The following CDHR1 variants were observed in gnomAD, a reference collection of about 807,000 sequenced individuals.
The protein encoded by CDHR1 is cadherin related family member 1, also known as cadherin-related family member 1.
A neutral mutation model predicts 72.1 loss-of-function variants in CDHR1; 61 were observed. The observed-to-expected ratio is 0.85, with a 90% CI of 0.69 to 1.05. The LOEUF (loss-of-function observed/expected upper bound fraction) is 1.05, where lower values mean the gene tolerates loss of function less well. Ranked by LOEUF, CDHR1 falls within the 50% of genes least tolerant of loss-of-function variation. The pLI is 0.00. For missense variants in CDHR1, 1,186 were observed against 1,115.7 expected (o/e 1.06, Z -0.90); for synonymous variants, 470 against 448.1 (o/e 1.05, Z -0.62).
At chr10:84,195,061 C>T (rs11592253) in intron 1 of CDHR1, among the ~76,000 whole-genome samples, 115,224 of 152,032 alleles carry the variant, frequency 0.76, 44,846 homozygotes, top group African/African-American at 0.91. Context: ...GGGTTTGGCG[C>T]CCGGACCCCC....
Position 84,213,185 on chromosome 10 carries a change from C to G in CDHR1, c.1877C>G (p.Thr626Arg). The change falls in exon 16 of 17, where the codon ACG becomes AGG. Residue 626 changes from threonine to arginine, a missense_variant. By Grantham distance (71) the Thr-to-Arg change is moderately conservative (BLOSUM62 -1). Transcript: ENST00000623527. ...AACGTGTTCGACATCAATTCCCACA[C>G]GGGGGAGATCTGGCTCAAGAATTCC... ...PANVFDINSH[T>R]GEIWLKNSIR... The G allele has an allele frequency of 6.2e-7, 1 of 1,614,252 alleles. No homozygotes were observed. The highest frequency in any genetic ancestry group is 8.5e-7 in the Non-Finnish European group (1 of 1,180,056).
intron 11 of CDHR1, 140 bp from the exon 12 acceptor site, chr10:84,208,589 A>G: frequency 9.6e-7 from 1 of 1,038,834 alleles, no homozygotes; most frequent in African/African-American, 1.6e-5. Context: ...CTCACAGTCC[A>G]TTCACAAGGA....
Position 84,201,834 on chromosome 10 carries a change from C to A in CDHR1, c.553C>A (p.Arg185Ser). 6.2e-7 allele frequency: 1 copy of A among 1,610,406 alleles called. No individual in the cohort carries two copies. The highest frequency in any genetic ancestry group is 8.5e-7 in the Non-Finnish European group (1 of 1,180,002). Reference protein sequence around the residue: ...QNLHSPFAVDRHSGVLRLQAG... With the variant: ...QNLHSPFAVDSHSGVLRLQAG... ...CCTGCACTCCCCATTTGCCGTGGAC[C>A]GCCACAGCGGTGTGCTGCGCCTCCA... The change falls in exon 7 of 17, where the codon CGC (arginine) becomes AGC (serine). Residue 185 changes from arginine (R) to serine (S), a missense_variant. Arg to Ser is a moderately radical substitution (Grantham distance 110). Coordinates refer to ENST00000623527, the MANE Select transcript of CDHR1 (RefSeq NM_033100.4).
At position 84,208,749 on chromosome 10, in the gene CDHR1, C is replaced by T; in HGVS notation, c.1188C>T (p.Asn396=). The T allele has an allele frequency of 6.2e-7, 1 of 1,614,208 alleles. No homozygotes were observed. Among genetic ancestry groups the T allele is most frequent in the Non-Finnish European group, 8.5e-7 (1 of 1,180,026 alleles). The part of the protein sequence containing the change: ...DSDQGANAKF[N]LQLVGPRGIF... Reference sequence around the variant, plus strand: ...TCTAGGGAGCCAATGCCAAATTCAACTTGCAGCTGGTGGGACCCAGGGGCA... The same window carrying T: ...TCTAGGGAGCCAATGCCAAATTCAATTTGCAGCTGGTGGGACCCAGGGGCA... The change falls in exon 12 of 17, where the codon AAC becomes AAT. Residue 396 remains asparagine (N), a synonymous_variant. Transcript: ENST00000623527.
At position 84,217,556 on chromosome 10, in the gene CDHR1, G is replaced by A. The variant is rs1433639299; in HGVS notation, c.*2935G>A. ...TTAACACAGGGTGCAAAGTATGGTT[G>A]CAGAGAGGATGAAAAGATCTAATAT... On this transcript the variant is annotated 3_prime_UTR_variant, in exon 17 of 17. Coordinates refer to ENST00000623527, the MANE Select transcript of CDHR1 (RefSeq NM_033100.4). 3.1e-6 allele frequency: 3 copies of A among 983,006 alleles called. No individual in the cohort carries two copies. The highest frequency in any genetic ancestry group is 3.6e-6 in the Non-Finnish European group (3 of 827,720). The allele number at this position is 983,006 out of a possible 1,614,324, so 60.9% of individuals were successfully genotyped here.
Position 84,217,659 on chromosome 10 carries a change from C to G in CDHR1, c.*3038C>G, listed in dbSNP as rs2132844625. ...ACTTGCCGTGACTGTGGCCCACATA[C>G]TAGAACACCATGTCCTGAAAGAGAG... On this transcript the variant is annotated 3_prime_UTR_variant, in exon 17 of 17. Transcript: ENST00000623527. The G allele has an allele frequency of 1.0e-6, 1 of 985,540 alleles. No homozygotes were observed. Among genetic ancestry groups the G allele is most frequent in the African/African-American group, 1.7e-5 (1 of 57,360 alleles). 61.0% of individuals were successfully genotyped at this position (985,540 alleles called of 1,614,324 possible).
chr10:84,198,914 G>C (rs1842073715), intron 4 of CDHR1, 118 bp from the exon 5 acceptor site: 1 of 786,402 alleles, frequency 1.3e-6, no homozygotes, highest in South Asian at 1.5e-5. Context: ...GAGAGAGAGA[G>C]AGAGAGAGAG....
rs1266921719 is a variant in CDHR1, at chr10:84,216,983, C to T, written c.*2362C>T. 2 of 985,358 alleles carry T rather than the reference C, an allele frequency of 2.0e-6. No individual in the cohort carries two copies. The highest frequency in any genetic ancestry group is 2.4e-6 in the Non-Finnish European group (2 of 829,984). The allele number at this position is 985,358 out of a possible 1,614,324, so 61.0% of individuals were successfully genotyped here. On this transcript the variant is annotated 3_prime_UTR_variant, in exon 17 of 17. Coordinates refer to ENST00000623527, the MANE Select transcript of CDHR1 (RefSeq NM_033100.4). Reference sequence around the variant, plus strand: ...GTGGATCCGGGACCGAGGGTGGTCTCTTGGACAACCCCAGGAACTTGGACC... The same window carrying T: ...GTGGATCCGGGACCGAGGGTGGTCTTTTGGACAACCCCAGGAACTTGGACC...
At chr10:84,205,468 A>G (rs1842206659) in intron 9 of CDHR1, among the ~76,000 whole-genome samples, 1 of 139,316 alleles carries the variant, frequency 7.2e-6, no homozygotes, top group Non-Finnish European at 1.5e-5. Context: ...CTCCCCTTCC[A>G]TGTCCGTCTC....
intron 2 of CDHR1, 27 bp from the exon 3 acceptor site, chr10:84,196,476 CTA>C (rs761693893): frequency 1.2e-6 from 2 of 1,614,026 alleles, no homozygotes; most frequent in South Asian, 1.1e-5. Context: ...GTCTCAGATT[CTA>C]TGTCTCTCCA....
chr10:84,208,848 T>C lies in CDHR1; in HGVS notation c.1287T>C (p.Ile429=). 1 of 1,614,190 alleles carries C rather than the reference T, an allele frequency of 6.2e-7. No homozygotes were observed. The highest frequency in any genetic ancestry group is 1.1e-5 in the South Asian group (1 of 91,088). The change falls in exon 12 of 17, where the codon ATT becomes ATC. Residue 429 remains isoleucine, a synonymous_variant. Transcript: ENST00000623527. ...VTIIVENSAA[I]DFEKSKVLTF... is the part of the protein sequence containing the mutation. ...TCATTGTGGAGAACTCAGCTGCCAT[T>C]GACTTTGAAAAGTCCAAAGTATTAA...
chr10:84,214,732 A>C lies in CDHR1; in HGVS notation c.*111A>C, dbSNP rs556428563. On this transcript the variant is annotated 3_prime_UTR_variant, in exon 17 of 17. Coordinates refer to ENST00000623527, the MANE Select transcript of CDHR1 (RefSeq NM_033100.4). ...TTAAGGTCACTGACCCCTGTTTTGC[A>C]CAATGGTATAATCCCCACTGTCCTC... is the stretch of plus-strand genomic sequence containing the variant. 10 of 1,571,584 alleles carry C rather than the reference A, an allele frequency of 6.4e-6. No homozygotes were observed. The South Asian group carries it at 8.0e-5, about 13-fold the overall frequency.
intron 4 of CDHR1, 70 bp from the exon 5 acceptor site, chr10:84,198,962 G>A (rs960854238): frequency 3.6e-6 from 4 of 1,120,926 alleles, no homozygotes; most frequent in Non-Finnish European, 5.3e-6. Flanking sequence ...TGGAGTGATA[G>A]AGGTCGCTAT....
chr10:84,201,979 G>A (rs1842136220), intron 7 of CDHR1, 59 bp downstream of exon 7: 1 of 1,347,704 alleles, frequency 7.4e-7, no homozygotes, highest in Non-Finnish European at 1.0e-6. Context: ...TTGGAACCAA[G>A]TTAGGTTCTA....
intron 1 of CDHR1, among the ~76,000 whole-genome samples, chr10:84,195,078 C>T (rs1444795727): frequency 1.3e-5 from 2 of 152,242 alleles, no homozygotes; most frequent in Non-Finnish European, 2.9e-5. Context: ...CCCCGCTGCT[C>T]TCCGCTTGCT....
intron 8 of CDHR1, among the ~76,000 whole-genome samples, chr10:84,203,842 C>G (rs1384608401): frequency 1.3e-5 from 2 of 152,130 alleles, no homozygotes; most frequent in Non-Finnish European, 1.5e-5. Flanking sequence ...CAGCGTAGGC[C>G]CAGGCCATCC....
rs79239487 is a variant in CDHR1 at position 84,196,656 on chromosome 10, G to A, written c.297+6G>A. On this transcript the variant is annotated splice_donor_region_variant and intron_variant, in intron 3 of 16. Transcript: ENST00000623527. Reference sequence around the variant, plus strand: ...TTGAAGAGCTGGACAGAGAGGTATGGGGAGGTGTGGGGAGTGCTGCGGGGC... The same window carrying A: ...TTGAAGAGCTGGACAGAGAGGTATGAGGAGGTGTGGGGAGTGCTGCGGGGC... The A allele has an allele frequency of 6.6e-3, 10,724 of 1,614,182 alleles. 401 individuals are homozygous for A. In the East Asian group the frequency reaches 0.11, roughly 17 times the overall value.
chr10:84,211,657 C>T lies in CDHR1; in HGVS notation c.1495C>T (p.Pro499Ser). 6.2e-7 allele frequency: 1 copy of T among 1,614,102 alleles called. No individual in the cohort carries two copies. Among genetic ancestry groups the T allele is most frequent in the Non-Finnish European group, 8.5e-7 (1 of 1,179,966 alleles). ...SSVVAVTAVD[P>S]DTGPWGEVKY... ...GCTCTTTCTCTTCCAGGCTGTGGAT[C>T]CAGATACAGGACCCTGGGGCGAAGT... is the stretch of plus-strand genomic sequence containing the variant. Residue 499 changes from proline (P) to serine (S), a missense_variant, in exon 14 of 17, where the codon CCA becomes TCA. By Grantham distance (74) the Pro-to-Ser change is moderately conservative. Transcript: ENST00000623527.
intron 5 of CDHR1, among the ~76,000 whole-genome samples, chr10:84,199,706 G>T (rs896122729): frequency 6.6e-6 from 1 of 152,108 alleles, no homozygotes; most frequent in Non-Finnish European, 1.5e-5. Flanking sequence ...CATTAATTAG[G>T]ATTCTTTCCT....
Sources: allele counts gnomAD v4.1 joint callset (sites outside exome capture counted in the v4.1 genomes callset), GRCh38; gene constraint gnomAD v4.1.1; transcripts MANE v1.5; gene names NCBI Gene and HGNC (gene_info 2026-07-23, HGNC 2026-07-21).